The following PPM1H variants were observed in gnomAD, a reference collection of about 807,000 sequenced individuals.
PPM1H encodes the protein protein phosphatase, Mg2+/Mn2+ dependent 1H.
Under a neutral mutation model 54.9 loss-of-function variants are expected in PPM1H, and 27 were observed. That is an observed-to-expected ratio of 0.49 (90% CI 0.36 to 0.68). The LOEUF is 0.68. Among genes scored for constraint, PPM1H ranks in the 30% least tolerant of loss-of-function variants. The pLI, the probability that PPM1H is intolerant of heterozygous loss-of-function variation, is 0.00. For missense variants in PPM1H, 596 were observed against 667.8 expected, an observed-to-expected ratio of 0.89 and a Z score of 1.19; for synonymous variants, 305 against 270.8, an observed-to-expected ratio of 1.13 and a Z score of -1.24.
intron 1 of PPM1H, among the ~76,000 whole-genome samples, chr12:62,857,487 A>G (rs1869433606): frequency 6.6e-6 from 1 of 152,216 alleles, no homozygotes; most frequent in African/African-American, 2.4e-5. Context: ...TATTCACATA[A>G]TAGGTAAGAT....
chr12:62,719,319 A>G (rs1691616394), intron 6 of PPM1H, among the ~76,000 whole-genome samples: 1 of 151,890 alleles, frequency 6.6e-6, no homozygotes, highest in African/African-American at 2.4e-5. Context: ...TACTTCTTTG[A>G]CTCTTTTGGA....
chr12:62,689,930 C>T, intron 7 of PPM1H, 124 bp from the exon 8 acceptor site: 1 of 603,592 alleles, frequency 1.7e-6, no homozygotes, highest in Admixed American at 2.8e-5. Flanking sequence ...GATATGTTTC[C>T]AGGCCCCTTG....
chr12:62,677,729 C>T (rs546503377), intron 8 of PPM1H, among the ~76,000 whole-genome samples: 56 of 152,300 alleles, frequency 3.7e-4, no homozygotes, highest in South Asian at 1.0e-3. Flanking sequence ...ACAGGCCCAG[C>T]GGGCCCAAGC....
At chr12:62,770,373 G>A (rs1013387327) in intron 4 of PPM1H, among the ~76,000 whole-genome samples, 3 of 152,068 alleles carry the variant, frequency 2.0e-5, no homozygotes, top group East Asian at 1.9e-4. Flanking sequence ...GTCCCACAGC[G>A]CTATGATAAG....
chr12:62,646,944 G>T lies in PPM1H; in HGVS notation c.*1545C>A, dbSNP rs773524435. ...CTGGAATTAGCTCTCTAGCATGCTG[G>T]GGGGGTCACGTCAGTGACCTTTTTT... On this transcript the variant is annotated 3_prime_UTR_variant, in exon 10 of 10. Coordinates refer to ENST00000228705, the MANE Select transcript of PPM1H (RefSeq NM_020700.2). 6.6e-6 allele frequency: 1 copy of T among 152,214 alleles called. No individual in the cohort carries two copies. The highest frequency in any genetic ancestry group is 1.9e-4 in the East Asian group (1 of 5,196). 9.4% of individuals were successfully genotyped at this position (152,214 alleles called of 1,614,324 possible).
chr12:62,796,227 C>A (rs754414522), intron 3 of PPM1H, among the ~76,000 whole-genome samples: 2 of 152,160 alleles, frequency 1.3e-5, no homozygotes, highest in African/African-American at 2.4e-5. Flanking sequence ...CCCCACATAA[C>A]CAGCAAGCAA....
intron 2 of PPM1H, among the ~76,000 whole-genome samples, chr12:62,820,509 C>G (rs1051934807): frequency 6.6e-6 from 1 of 152,324 alleles, no homozygotes; most frequent in Non-Finnish European, 1.5e-5. Flanking sequence ...CGACTGACAC[C>G]TCATACGGCT....
At chr12:62,817,894 G>A (rs991416419) in intron 2 of PPM1H, among the ~76,000 whole-genome samples, 3 of 152,070 alleles carry the variant, frequency 2.0e-5, no homozygotes, top group East Asian at 1.9e-4. Flanking sequence ...CCCTGCTGAT[G>A]GTCTTGGCCG....
chr12:62,919,793 C>T (rs970846317), intron 1 of PPM1H, among the ~76,000 whole-genome samples: 7 of 151,988 alleles, frequency 4.6e-5, no homozygotes, highest in African/African-American at 1.7e-4. Context: ...CTGAGGATGG[C>T]AAGGCAGGTG....
chr12:62,876,925 A>T (rs144743916), intron 1 of PPM1H, among the ~76,000 whole-genome samples: 1 of 152,204 alleles, frequency 6.6e-6, no homozygotes, highest in East Asian at 1.9e-4. Flanking sequence ...ACACACCCAC[A>T]TTATGGCTTT....
At chr12:62,736,932 T>A (rs2076352753) in intron 5 of PPM1H, among the ~76,000 whole-genome samples, 1 of 152,200 alleles carries the variant, frequency 6.6e-6, no homozygotes, top group African/African-American at 2.4e-5. Context: ...CTGAGCCCGC[T>A]CATAATTTCA....
rs1055585678 is a variant in PPM1H, at chr12:62,877,494, TAGTAATTAACATC to T, written c.246-45228_246-45216del. ...TCCAAGGTACCACGCGATACGGTAA[TAGTAATTAACATC>T]AGTTGAGCTTACCAACTCTGCTGAA... On this transcript the variant is annotated intron_variant, in intron 1 of 9. Coordinates refer to ENST00000228705, the MANE Select transcript of PPM1H (RefSeq NM_020700.2). Among the ~76,000 whole-genome samples the T allele has an allele frequency of 1.0e-3, 154 of 152,296 alleles. 1 individual carries two copies. The highest frequency in any genetic ancestry group is 3.5e-3 in the African/African-American group (145 of 41,566).
At chr12:62,755,163 C>T (rs1274377881) in intron 4 of PPM1H, 1 of 535,026 alleles carries the variant, frequency 1.9e-6, no homozygotes, top group African/African-American at 1.9e-5. Context: ...GCTCTCTGCT[C>T]CTCCCATTTG....
intron 8 of PPM1H, among the ~76,000 whole-genome samples, chr12:62,680,861 C>T (rs564312304): frequency 4.8e-4 from 73 of 152,230 alleles, no homozygotes; most frequent in African/African-American, 1.6e-3. Flanking sequence ...TCTTGTATGC[C>T]CTCTATCCCA....
chr12:62,669,969 C>CTTTTTTTTTTTTGTTTTTTT (rs2075946279), intron 8 of PPM1H, among the ~76,000 whole-genome samples: 1 of 46,424 alleles, frequency 2.2e-5, no homozygotes, highest in African/African-American at 1.1e-4. Context: ...GGATTGATTC[C>CTTTTTTTTTTTTGTTTTTTT]TTTTTTTTTT....
At chr12:62,846,160 A>G (rs1431221500) in intron 1 of PPM1H, among the ~76,000 whole-genome samples, 2 of 152,124 alleles carry the variant, frequency 1.3e-5, no homozygotes, top group Non-Finnish European at 2.9e-5. Flanking sequence ...TGTCTCTCCC[A>G]TGCTCAAATA....
chr12:62,873,030 T>G (rs1350155140), intron 1 of PPM1H, among the ~76,000 whole-genome samples: 3 of 152,236 alleles, frequency 2.0e-5, no homozygotes, highest in Non-Finnish European at 4.4e-5. Context: ...TTAATTTCTA[T>G]TTTATAATAA....
intron 4 of PPM1H, chr12:62,755,266 G>A: frequency 1.3e-6 from 1 of 751,800 alleles, no homozygotes; most frequent in Non-Finnish European, 2.4e-6. Flanking sequence ...TGGTTGTATT[G>A]GGTGCCTAGT....
chr12:62,850,614 G>A (rs1869144659), intron 1 of PPM1H: 2 of 149,110 alleles, frequency 1.3e-5, no homozygotes, highest in Admixed American at 6.7e-5. Context: ...GTATTGACAT[G>A]TTGAAACTAT....
Sources: allele counts gnomAD v4.1 joint callset (sites outside exome capture counted in the v4.1 genomes callset), GRCh38; gene constraint gnomAD v4.1.1; transcripts MANE v1.5; gene names NCBI Gene and HGNC (gene_info 2026-07-23, HGNC 2026-07-21).